SGCD: variants seen among roughly 807,000 people sequenced by gnomAD.
The protein encoded by SGCD is sarcoglycan delta.
Under a neutral mutation model 36.6 loss-of-function variants are expected in SGCD, and 18 were observed. The observed-to-expected ratio is 0.49, with a 90% CI of 0.34 to 0.73. SGCD has a LOEUF of 0.73. Ranked by LOEUF, SGCD falls within the 30% of genes least tolerant of loss-of-function variation. The pLI is 0.01. For synonymous variants in SGCD, 133 were observed against 130.6 expected (o/e 1.02, Z -0.12); for missense variants, 387 against 346.7 (o/e 1.12, Z -0.92).
intron 3 of SGCD, among the ~76,000 whole-genome samples, chr5:156,351,716 A>G (rs1769267039): frequency 6.6e-6 from 1 of 151,994 alleles, no homozygotes; most frequent in African/African-American, 2.4e-5. Context: ...TATCTAACTT[A>G]ATCATTATCC....
chr5:156,348,774 A>G (rs1170662478), intron 3 of SGCD, among the ~76,000 whole-genome samples: 1 of 152,168 alleles, frequency 6.6e-6, no homozygotes, highest in South Asian at 2.1e-4. Context: ...TATGGAACCA[A>G]AAAGAGTCCA....
intron 1 of SGCD, among the ~76,000 whole-genome samples, chr5:156,073,616 C>T (rs750483691): frequency 7.2e-5 from 11 of 152,116 alleles, no homozygotes; most frequent in Non-Finnish European, 1.5e-4. Flanking sequence ...ATTTTCTATT[C>T]GTGTACAGAG....
At chr5:156,651,689 A>T (rs1282998349) in intron 7 of SGCD, among the ~76,000 whole-genome samples, 1 of 152,068 alleles carries the variant, frequency 6.6e-6, no homozygotes, top group Non-Finnish European at 1.5e-5. Context: ...ATGCTGTTTT[A>T]GTTACTGTAG....
At chr5:156,510,577 A>G (rs367918344) in intron 4 of SGCD, among the ~76,000 whole-genome samples, 21 of 152,316 alleles carry the variant, frequency 1.4e-4, no homozygotes, top group African/African-American at 5.1e-4. Context: ...GTAAAGGGCC[A>G]GAAAGTAAAT....
intron 3 of SGCD, among the ~76,000 whole-genome samples, chr5:156,225,127 C>T (rs1174210558): frequency 6.6e-6 from 1 of 152,036 alleles, no homozygotes; most frequent in African/African-American, 2.4e-5. Flanking sequence ...CCACTAGCAA[C>T]CAATATGGCA....
intron 7 of SGCD, among the ~76,000 whole-genome samples, chr5:156,749,652 G>A (rs1467950324): frequency 6.6e-6 from 1 of 151,938 alleles, no homozygotes; most frequent in Non-Finnish European, 1.5e-5. Flanking sequence ...TTTTAAAAAT[G>A]AGGATATTAT....
intron 3 of SGCD, among the ~76,000 whole-genome samples, chr5:156,423,191 A>AT (rs1237538489): frequency 2.5e-5 from 3 of 118,194 alleles, no homozygotes; most frequent in African/African-American, 3.5e-5. Context: ...ATTATATAAT[A>AT]TAATATTATA....
At chr5:156,331,960 G>T (rs774245448) in intron 2 of SGCD, among the ~76,000 whole-genome samples, 1 of 152,028 alleles carries the variant, frequency 6.6e-6, no homozygotes, top group Non-Finnish European at 1.5e-5. Flanking sequence ...TAGCCCTTTC[G>T]CTCTTTCTTT....
chr5:156,389,122 C>T (rs1290910649), intron 3 of SGCD, among the ~76,000 whole-genome samples: 1 of 152,218 alleles, frequency 6.6e-6, no homozygotes, highest in Non-Finnish European at 1.5e-5. Context: ...AGCTTCCCCT[C>T]TCCAAGCCTT....
chr5:155,743,171 TCTC>T, the SGCD span, among the ~76,000 whole-genome samples: 2,154 of 152,252 alleles, frequency 0.014, 25 homozygotes, highest in Non-Finnish European at 0.019. Flanking sequence ...GCCTCTCTCA[TCTC>T]CTTTCCATGT....
chr5:156,082,936 AT>A (rs1235153032), intron 1 of SGCD, among the ~76,000 whole-genome samples: 2 of 151,074 alleles, frequency 1.3e-5, no homozygotes, highest in East Asian at 3.9e-4. Flanking sequence ...GTTGTCGCTA[AT>A]TTTTTTTTTA....
intron 4 of SGCD, among the ~76,000 whole-genome samples, chr5:156,581,202 C>A (rs531049293): frequency 2.0e-5 from 3 of 152,184 alleles, no homozygotes; most frequent in Non-Finnish European, 4.4e-5. Flanking sequence ...CACTCCAGAC[C>A]CTGTTTGCCT....
At chr5:156,499,936 T>TA (rs1056259457) in intron 3 of SGCD, among the ~76,000 whole-genome samples, 11 of 151,598 alleles carry the variant, frequency 7.3e-5, no homozygotes, top group African/African-American at 2.2e-4. Context: ...TTCTCAACTT[T>TA]AAAAAAAAAT....
At chr5:156,603,498 G>A (rs777665522) in intron 6 of SGCD, among the ~76,000 whole-genome samples, 9 of 151,968 alleles carry the variant, frequency 5.9e-5, no homozygotes, top group Non-Finnish European at 1.3e-4. Flanking sequence ...TCCTTGAAGT[G>A]TATCTTTAGA....
chr5:155,853,111 T>C, the SGCD span, among the ~76,000 whole-genome samples: 1 of 149,206 alleles, frequency 6.7e-6, no homozygotes, highest in Admixed American at 6.6e-5. Flanking sequence ...ATATAATGGA[T>C]AAAAACATCC....
intron 3 of SGCD, among the ~76,000 whole-genome samples, chr5:156,240,941 A>G (rs887016689): frequency 6.6e-6 from 1 of 152,210 alleles, no homozygotes; most frequent in Non-Finnish European, 1.5e-5. Context: ...TTGCTCTCAG[A>G]TGAGATTTTT....
chr5:156,702,843 A>G (rs1469756024), intron 7 of SGCD, among the ~76,000 whole-genome samples: 1 of 152,172 alleles, frequency 6.6e-6, no homozygotes, highest in African/African-American at 2.4e-5. Flanking sequence ...AATGGTGAAC[A>G]GCTTTAAAAT....
chr5:156,446,782 G>A (rs1753771808), intron 3 of SGCD, among the ~76,000 whole-genome samples: 1 of 152,102 alleles, frequency 6.6e-6, no homozygotes, highest in African/African-American at 2.4e-5. Context: ...AGATAATAAG[G>A]CAAAGAATGT....
the SGCD span, among the ~76,000 whole-genome samples, chr5:155,836,404 A>G: frequency 6.6e-6 from 1 of 152,180 alleles, no homozygotes; most frequent in African/African-American, 2.4e-5. Flanking sequence ...TGCAAATGAA[A>G]AACGATTCTT....
Sources: allele counts gnomAD v4.1 joint callset (sites outside exome capture counted in the v4.1 genomes callset), GRCh38; gene constraint gnomAD v4.1.1; transcripts MANE v1.5; gene names NCBI Gene and HGNC (gene_info 2026-07-23, HGNC 2026-07-21).